Variants in TAF2 observed in about 807,000 individuals in gnomAD.
TAF2 encodes the protein transcription initiation factor TFIID subunit 2.
TAF2 carries 61 observed loss-of-function variants against 138.5 expected under a neutral mutation model. That is an observed-to-expected ratio of 0.44 (90% CI 0.36 to 0.54). The LOEUF (loss-of-function observed/expected upper bound fraction) is 0.54, where lower values mean the gene tolerates loss of function less well. Ranked by LOEUF, TAF2 falls within the 20% of genes least tolerant of loss-of-function variation. The probability of loss-of-function intolerance (pLI) is 0.00; values close to 1 mark genes in which losing one functional copy is unlikely to be tolerated. For missense variants in TAF2, 1,090 were observed against 1,427.9 expected (o/e 0.76, Z 3.81); for synonymous variants, 475 against 469.9 (o/e 1.01, Z -0.14).
chr8:119,789,853 T>C (rs1823294324), intron 11 of TAF2, 107 bp from the exon 12 acceptor site: 4 of 1,097,892 alleles, frequency 3.6e-6, no homozygotes, highest in Non-Finnish European at 5.3e-6. Flanking sequence ...TAGAAGACAA[T>C]AATTTCACTA....
At chr8:119,791,105 C>T (rs773286204) in intron 11 of TAF2, among the ~76,000 whole-genome samples, 6 of 152,154 alleles carry the variant, frequency 3.9e-5, no homozygotes, top group African/African-American at 9.7e-5. Flanking sequence ...CCAGCCACCA[C>T]ATTCTAATTA....
In TAF2 at chr8:119,758,079, T is replaced by C. The variant is rs1251344553; in HGVS notation, c.2762A>G (p.Tyr921Cys). Residue 921 changes from tyrosine to cysteine, a missense_variant, in exon 21 of 26, where the codon TAT becomes TGT. By Grantham distance (194) the Tyr-to-Cys change is radical. This residue lies in a region of TAF2 where 580 missense variants were observed against 719.6 expected (regional missense o/e 0.81). Coordinates refer to ENST00000378164, the MANE Select transcript of TAF2 (RefSeq NM_003184.4). ...TCATAGCACATAAACTAACCTTACATAGGGTACAGGGTCATTCTGAATCAT... is the reference window on the plus strand; with the variant it reads ...TCATAGCACATAAACTAACCTTACACAGGGTACAGGGTCATTCTGAATCAT... ...LNMIQNDPVP[Y>C]VRHKILNMLT... 2.5e-6 allele frequency: 4 copies of C among 1,613,022 alleles called. No homozygotes were observed. Among genetic ancestry groups the C allele is most frequent in the Admixed American group, 1.7e-5 (1 of 59,994 alleles).
At chr8:119,823,112 C>T (rs1029051805) in intron 2 of TAF2, among the ~76,000 whole-genome samples, 3 of 152,116 alleles carry the variant, frequency 2.0e-5, no homozygotes, top group Non-Finnish European at 4.4e-5. Context: ...TTTTTCCGTG[C>T]CTATAAATAT....
chr8:119,781,711 T>C (rs1308886056), intron 16 of TAF2, among the ~76,000 whole-genome samples: 3 of 152,024 alleles, frequency 2.0e-5, no homozygotes, highest in South Asian at 2.1e-4. Flanking sequence ...TTTTTTTTTT[T>C]TGGAGATGGA....
At chr8:119,827,219 C>A (rs1455306023) in intron 2 of TAF2, among the ~76,000 whole-genome samples, 1 of 152,138 alleles carries the variant, frequency 6.6e-6, no homozygotes, top group Admixed American at 6.5e-5. Flanking sequence ...CTGGTTTCTA[C>A]AGCCCAAGTG....
intron 4 of TAF2, among the ~76,000 whole-genome samples, chr8:119,805,714 C>CA (rs1349730198): frequency 1.3e-5 from 2 of 150,150 alleles, no homozygotes; most frequent in Non-Finnish European, 3.0e-5. Context: ...TCAAAAAAAA[C>CA]AAAAAAAAAT....
intron 2 of TAF2, among the ~76,000 whole-genome samples, chr8:119,823,344 T>G (rs888614895): frequency 6.6e-6 from 1 of 152,230 alleles, no homozygotes; most frequent in African/African-American, 2.4e-5. Context: ...AATCTCATCT[T>G]GAATTCTCAT....
chr8:119,814,675 C>T (rs1400610183), intron 3 of TAF2, among the ~76,000 whole-genome samples: 5 of 140,472 alleles, frequency 3.6e-5, no homozygotes, highest in African/African-American at 5.4e-5. Flanking sequence ...AGGCGGATCA[C>T]GAGGTCAGGA....
chr8:119,745,263 C>T (rs1269829781), intron 23 of TAF2, among the ~76,000 whole-genome samples: 1 of 152,062 alleles, frequency 6.6e-6, no homozygotes, highest in Non-Finnish European at 1.5e-5. Flanking sequence ...AGAACATGTC[C>T]TTTGATGCCA....
In TAF2 at chr8:119,762,618, A is replaced by T; in HGVS notation, c.2365-10T>A. 6.2e-7 allele frequency: 1 copy of T among 1,608,438 alleles called. No individual in the cohort carries two copies. Among genetic ancestry groups the T allele is most frequent in the Non-Finnish European group, 8.5e-7 (1 of 1,176,956 alleles). ...AATAGTTATCTGAAAACTAGGCCAA[A>T]GAAAAATTAAGTGAAGATAACAAAA... On this transcript the variant is annotated splice_polypyrimidine_tract_variant and intron_variant, in intron 18 of 25. Transcript: ENST00000378164.
chr8:119,769,499 T>C (rs1411875505), intron 18 of TAF2, among the ~76,000 whole-genome samples: 53 of 151,968 alleles, frequency 3.5e-4, no homozygotes. Context: ...GGATGAAGAA[T>C]TCAAAATATG....
intron 3 of TAF2, among the ~76,000 whole-genome samples, chr8:119,819,108 T>C (rs964763881): frequency 6.6e-6 from 1 of 152,050 alleles, no homozygotes; most frequent in Non-Finnish European, 1.5e-5. Context: ...CTAATTAAAG[T>C]TCCCAGATAA....
At position 119,832,694 on chromosome 8, in the gene TAF2, G is replaced by C; in HGVS notation, c.-130C>G. 1 of 793,716 alleles carries C rather than the reference G, an allele frequency of 1.3e-6. No individual in the cohort carries two copies. The allele number at this position is 793,716 out of a possible 1,614,324, so 49.2% of individuals were successfully genotyped here. Reference sequence around the variant, plus strand: ...CGTCTCGCAGCTGGCCGGTGCCCAGGTGAGCGACCTGACGGGTCGCTGCCC... The same window carrying C: ...CGTCTCGCAGCTGGCCGGTGCCCAGCTGAGCGACCTGACGGGTCGCTGCCC... On this transcript the variant is annotated 5_prime_UTR_variant, in exon 1 of 26. Coordinates refer to ENST00000378164, the MANE Select transcript of TAF2 (RefSeq NM_003184.4).
intron 18 of TAF2, among the ~76,000 whole-genome samples, chr8:119,771,408 G>C (rs553250286): frequency 6.6e-6 from 1 of 152,008 alleles, no homozygotes; most frequent in South Asian, 2.1e-4. Context: ...GCTAATTTTT[G>C]TATTTTCAGT....
At chr8:119,739,573 A>G (rs1437320260) in intron 25 of TAF2, among the ~76,000 whole-genome samples, 3 of 151,814 alleles carry the variant, frequency 2.0e-5, no homozygotes, top group African/African-American at 7.3e-5. Flanking sequence ...CTTTAAACCC[A>G]TATTCTTTTT....
intron 25 of TAF2, among the ~76,000 whole-genome samples, chr8:119,732,529 G>A (rs1818948168): frequency 6.6e-6 from 1 of 152,046 alleles, no homozygotes; most frequent in Admixed American, 6.6e-5. Context: ...TGGGTCCGGG[G>A]GCGGTGGCTC....
intron 25 of TAF2, among the ~76,000 whole-genome samples, chr8:119,733,222 T>A (rs1818999792): frequency 6.6e-6 from 1 of 152,162 alleles, no homozygotes; most frequent in South Asian, 2.1e-4. Context: ...GATAATGGTA[T>A]CTCAGTGAAA....
intron 1 of TAF2, 31 bp from the exon 2 acceptor site, chr8:119,831,762 GA>G: frequency 1.4e-6 from 2 of 1,394,614 alleles, no homozygotes; most frequent in Middle Eastern, 2.6e-4. Flanking sequence ...AGAAAATAAG[GA>G]AAAAATAATT....
At chr8:119,815,299 G>T (rs899982601) in intron 3 of TAF2, among the ~76,000 whole-genome samples, 1 of 151,224 alleles carries the variant, frequency 6.6e-6, no homozygotes, top group Non-Finnish European at 1.5e-5. Flanking sequence ...TTTTGAGAGG[G>T]AGTCTCACTC....
Sources: allele counts gnomAD v4.1 joint callset (sites outside exome capture counted in the v4.1 genomes callset), GRCh38; gene constraint gnomAD v4.1.1; regional missense constraint gnomAD v4.1.1; transcripts MANE v1.5; gene names NCBI Gene and HGNC (gene_info 2026-07-23, HGNC 2026-07-21).